The following ENKUR variants were observed in gnomAD, a reference collection of about 807,000 sequenced individuals.
ENKUR encodes the protein enkurin.
A neutral mutation model predicts 27.6 loss-of-function variants in ENKUR; 19 were observed. The observed-to-expected ratio is 0.69, with a 90% CI of 0.48 to 1.01. The LOEUF (loss-of-function observed/expected upper bound fraction) is 1.01, where lower values mean the gene tolerates loss of function less well. Among genes scored for constraint, ENKUR ranks in the 50% least tolerant of loss-of-function variants. ENKUR has a pLI of 0.00. For missense variants in ENKUR, 312 were observed against 310.5 expected (o/e 1.00, Z -0.04); for synonymous variants, 117 against 96.9 (o/e 1.21, Z -1.22).
intron 2 of ENKUR, among the ~76,000 whole-genome samples, chr10:25,057,263 A>G (rs1371861621): frequency 1.3e-5 from 2 of 152,098 alleles, no homozygotes; most frequent in Admixed American, 1.3e-4. Context: ...GGGAAGGGGA[A>G]TGGGAGTGAA....
At chr10:25,000,252 T>C (rs1727801472) in intron 1 of ENKUR, among the ~76,000 whole-genome samples, 3 of 152,296 alleles carry the variant, frequency 2.0e-5, no homozygotes, top group South Asian at 2.1e-4. Context: ...GTATGTTCTA[T>C]TTTAGTAAAT....
intron 2 of ENKUR, chr10:25,023,484 T>C: frequency 6.2e-7 from 1 of 1,614,132 alleles, no homozygotes; most frequent in Non-Finnish European, 8.5e-7. Flanking sequence ...TAGATGTGGA[T>C]GATGATATCC....
At chr10:25,004,479 C>T (rs1038705753) in intron 1 of ENKUR, among the ~76,000 whole-genome samples, 4 of 152,136 alleles carry the variant, frequency 2.6e-5, no homozygotes, top group Admixed American at 2.6e-4. Context: ...GATGGTATCT[C>T]ATTGTAGTTT....
At position 25,002,392 on chromosome 10, in the gene ENKUR, C is replaced by T. The variant is rs538703342; in HGVS notation, c.78-2846G>A. On this transcript the variant is annotated intron_variant, in intron 1 of 5. Transcript: ENST00000331161. ...TTCTAGCAGCTTTGGCCTTTGCAAA[C>T]TCTGAATTCTGTCTCCTTAACTCAG... Among the ~76,000 whole-genome samples, 14 of 152,304 alleles carry T rather than the reference C, an allele frequency of 9.2e-5. No homozygotes were observed. The East Asian group carries it at 2.5e-3, about 27-fold the overall frequency.
chr10:25,045,777 CA>C (rs560442554), intron 2 of ENKUR, among the ~76,000 whole-genome samples: 92 of 152,138 alleles, frequency 6.0e-4, no homozygotes, highest in African/African-American at 2.1e-3. Flanking sequence ...GTTTATAAAA[CA>C]AAAAACTGTT....
At chr10:25,032,812 T>C (rs1850952494) in intron 2 of ENKUR, among the ~76,000 whole-genome samples, 1 of 152,208 alleles carries the variant, frequency 6.6e-6, no homozygotes, top group African/African-American at 2.4e-5. Context: ...TTCATGGATT[T>C]ACTGCCATTT....
rs1849717039 is a variant in ENKUR at position 24,983,605 on chromosome 10, AATTT to A, written c.*761_*764del. The A allele has an allele frequency of 6.6e-6, 1 of 152,206 alleles. No homozygotes were observed. The highest frequency in any genetic ancestry group is 6.5e-5 in the Admixed American group (1 of 15,284). The allele number at this position is 152,206 out of a possible 1,614,324, so 9.4% of individuals were successfully genotyped here. On this transcript the variant is annotated 3_prime_UTR_variant, in exon 6 of 6. Transcript: ENST00000331161. ...TACTCATATGGACAAGTTTCAAGTG[AATTT>A]TCAAAAAATAATTGTATATAAACTA...
At chr10:24,998,585 G>C (rs1850118847) in intron 2 of ENKUR, among the ~76,000 whole-genome samples, 3 of 151,602 alleles carry the variant, frequency 2.0e-5, no homozygotes, top group Admixed American at 2.0e-4. Context: ...GTCTTGCTTT[G>C]TTGCCCAGGT....
chr10:25,032,318 G>C lies in ENKUR; in HGVS notation c.37+28794C>G, dbSNP rs10828743. Among the ~76,000 whole-genome samples the C allele has an allele frequency of 8.4e-4, 126 of 149,900 alleles. 1 individual carries two copies. The highest frequency in any genetic ancestry group is 1.5e-3 in the Non-Finnish European group (104 of 67,560). ...GAATTAGAATCAGAGTAAAGAAGGG[G>C]GGGGGGCTATGATCGTTACCATTCA... On this transcript the variant is annotated intron_variant, in intron 2 of 5. Coordinates refer to the ENKUR transcript ENST00000615958.
intron 1 of ENKUR, among the ~76,000 whole-genome samples, chr10:25,001,916 A>T (rs1374880422): frequency 6.6e-6 from 1 of 151,848 alleles, no homozygotes; most frequent in African/African-American, 2.4e-5. Context: ...GTAATTTTTG[A>T]TTGGATGCCA....
chr10:24,991,290 T>C (rs1480336056), intron 3 of ENKUR, among the ~76,000 whole-genome samples: 1 of 152,132 alleles, frequency 6.6e-6, no homozygotes, highest in African/African-American at 2.4e-5. Context: ...ACCTTCTACA[T>C]GCTTCAGTTT....
chr10:25,016,078 C>A lies in ENKUR; in HGVS notation c.-142G>T. ...ACAGGTTCTCTCCTTCACATCGTCC[C>A]CCTTTAACCCCCTCTTAGCAGTCCT... On this transcript the variant is annotated 5_prime_UTR_variant, in exon 1 of 6. Coordinates refer to ENST00000331161, the MANE Select transcript of ENKUR (RefSeq NM_145010.4). 1 of 1,385,980 alleles carries A rather than the reference C, an allele frequency of 7.2e-7. No homozygotes were observed. The highest frequency in any genetic ancestry group is 2.7e-5 in the East Asian group (1 of 36,916). The allele number at this position is 1,385,980 out of a possible 1,614,324, so 85.9% of individuals were successfully genotyped here.
intron 4 of ENKUR, among the ~76,000 whole-genome samples, chr10:24,985,233 T>C (rs751524266): frequency 1.3e-5 from 2 of 152,166 alleles, no homozygotes; most frequent in South Asian, 2.1e-4. Context: ...AATGCATGGG[T>C]AAAAAACAAC....
At chr10:25,060,311 T>C (rs1851312162) in intron 2 of ENKUR, among the ~76,000 whole-genome samples, 1 of 152,074 alleles carries the variant, frequency 6.6e-6, no homozygotes, top group South Asian at 2.1e-4. Context: ...GGAATGCTGG[T>C]CTCCATTCTC....
Position 25,056,202 on chromosome 10 carries a change from G to A in ENKUR, c.37+4910C>T, listed in dbSNP as rs1851254087. ...GAATCCAGGTCTGTTGGAAATCAAA[G>A]CCCATGCTCTGCAATGAGCAGTGCC... On this transcript the variant is annotated intron_variant, in intron 2 of 5. Transcript: ENST00000615958. Among the ~76,000 whole-genome samples the A allele has an allele frequency of 2.0e-5, 3 of 152,324 alleles. 1 individual carries two copies. In the South Asian group the frequency reaches 6.2e-4, roughly 32 times the overall value.
intron 2 of ENKUR, among the ~76,000 whole-genome samples, chr10:25,034,518 T>C (rs1009797450): frequency 2.6e-5 from 4 of 152,182 alleles, no homozygotes; most frequent in Admixed American, 2.0e-4. Flanking sequence ...GTTATAAAGC[T>C]CAAGTAGCAG....
Position 25,027,356 on chromosome 10 carries a change from TCAAAAAAAAAAAA to T in ENKUR, c.38-31500_38-31488del, listed in dbSNP as rs1358124757. ...TGGGTGACAGAGCAAGACTCCCGTC[TCAAAAAAAAAAAA>T]AAAAAAAAAAAAAAAAAACTAGCCA... is the stretch of plus-strand genomic sequence containing the variant. On this transcript the variant is annotated intron_variant, in intron 2 of 5. Coordinates refer to the ENKUR transcript ENST00000615958. Among the ~76,000 whole-genome samples, 40 of 45,738 alleles carry T rather than the reference TCAAAAAAAAAAAA, an allele frequency of 8.7e-4. 5 individuals are homozygous for T. The highest frequency in any genetic ancestry group is 6.0e-3 in the Admixed American group (21 of 3,478). 30.0% of individuals were successfully genotyped at this position (45,738 alleles called of 152,430 possible). A position where few individuals can be genotyped will look rare whatever the true frequency, so the allele number is the denominator to read the frequency against.
intron 2 of ENKUR, chr10:25,021,621 G>C (rs1004367552): frequency 1.3e-5 from 2 of 151,980 alleles, no homozygotes; most frequent in Non-Finnish European, 1.5e-5. Context: ...ATATGAAAAG[G>C]GTCAATTTTT....
chr10:25,053,661 T>A (rs1387330045), intron 2 of ENKUR, among the ~76,000 whole-genome samples: 2 of 152,076 alleles, frequency 1.3e-5, no homozygotes, highest in Non-Finnish European at 2.9e-5. Flanking sequence ...TACCTTCGGG[T>A]TTTTTACTGC....
Sources: allele counts gnomAD v4.1 joint callset (sites outside exome capture counted in the v4.1 genomes callset), GRCh38; gene constraint gnomAD v4.1.1; transcripts MANE v1.5; gene names NCBI Gene and HGNC (gene_info 2026-07-23, HGNC 2026-07-21).